Variants in AUP1 observed in about 807,000 individuals in gnomAD.
AUP1 encodes AUP1 lipid droplet regulating VLDL assembly factor, also known as lipid droplet-regulating VLDL assembly factor AUP1.
In AUP1, 30 loss-of-function variants were observed where a neutral mutation model predicts 51.8. The observed-to-expected ratio is 0.58, with a 90% CI of 0.43 to 0.79. The LOEUF (loss-of-function observed/expected upper bound fraction) is 0.79. AUP1 is among the 30% of genes least tolerant of loss of function. The pLI is 0.00. For missense variants in AUP1, 492 were observed against 517.1 expected, an observed-to-expected ratio of 0.95 and a Z score of 0.47; for synonymous variants, 227 against 209.0, an observed-to-expected ratio of 1.09 and a Z score of -0.74.
Position 74,529,371 on chromosome 2 carries a change from A to G in AUP1, c.179T>C (p.Val60Ala). 1 of 1,611,168 alleles carries G rather than the reference A, an allele frequency of 6.2e-7. No individual in the cohort carries two copies. The highest frequency in any genetic ancestry group is 1.7e-5 in the Admixed American group (1 of 59,584). The change falls in exon 2 of 12, where the codon GTC becomes GCC. Residue 60 changes from valine (V) to alanine (A), a missense_variant. Val to Ala is a moderately conservative substitution (Grantham distance 64). Transcript: ENST00000377526. ...FLVSCALPDS[V>A]LRRFVVRTMC... Reference sequence around the variant, plus strand: ...ACGCCCGCGTCGGAACCTGCGAAGGACGCTGTCTGGCAGCGCGCAGCTGAC... The same window carrying G: ...ACGCCCGCGTCGGAACCTGCGAAGGGCGCTGTCTGGCAGCGCGCAGCTGAC...
In AUP1 at chr2:74,529,599, G is replaced by T; in HGVS notation, c.31C>A (p.Arg11=). MELPSGPGPE[R]LFDSHRLPGD... ...TCTTACCGGTGCGAGTCAAAGAGCC[G>T]CTCCGGCCCCGGCCCTGAGGGAAGC... Residue 11 remains arginine, a synonymous_variant, in exon 1 of 12, where the codon CGG becomes AGG. Coordinates refer to ENST00000377526, the MANE Select transcript of AUP1 (RefSeq NM_181575.5). 1 of 1,567,772 alleles carries T rather than the reference G, an allele frequency of 6.4e-7. No individual in the cohort carries two copies. Among genetic ancestry groups the T allele is most frequent in the Non-Finnish European group, 8.7e-7 (1 of 1,155,300 alleles).
At chr2:74,528,687 A>T in intron 4 of AUP1, 64 bp downstream of exon 4, 7 of 1,526,784 alleles carry the variant, frequency 4.6e-6, no homozygotes, top group Non-Finnish European at 6.2e-6. Context: ...AAGTTGTAAA[A>T]ACTCAAGGGC....
rs765763937 is a variant in AUP1, at chr2:74,527,857, C to G, written c.739-19G>C. The G allele has an allele frequency of 1.5e-5, 24 of 1,613,762 alleles. No individual in the cohort carries two copies. In the South Asian group the frequency reaches 2.5e-4, roughly 17 times the overall value. On this transcript the variant is annotated intron_variant, in intron 7 of 11. Transcript: ENST00000377526. ...CCACCAGCTAGGGAGAATTGGAAGA[C>G]TGGAAGTGTCAAGATCTCAAGCTTT...
At chr2:74,527,433 G>A in intron 9 of AUP1, 38 bp downstream of exon 9, 1 of 1,610,980 alleles carries the variant, frequency 6.2e-7, no homozygotes, top group Non-Finnish European at 8.5e-7. Flanking sequence ...TTTCCTCCCT[G>A]TGCCCATCTC....
In AUP1 at chr2:74,528,820, G is replaced by T; in HGVS notation, c.455C>A (p.Pro152His). 2 of 1,614,140 alleles carry T rather than the reference G, an allele frequency of 1.2e-6. No individual in the cohort carries two copies. The highest frequency in any genetic ancestry group is 1.7e-6 in the Non-Finnish European group (2 of 1,180,012). The change falls in exon 4 of 12, where the codon CCC becomes CAC. Residue 152 changes from proline (P) to histidine (H), a missense_variant. Transcript: ENST00000377526. ...AGGGAATAGCAGCAGAGGAGTGGGG[G>T]GAAGCCTCGTGGAAGCACAGAATCT... The part of the protein sequence containing the change: ...LKRFCASTRL[P>H]PTPLLLFPEE...
rs1465487013 is a variant in AUP1, at chr2:74,528,009, G to T, written c.672-3C>A. On this transcript the variant is annotated splice_region_variant and splice_polypyrimidine_tract_variant and intron_variant, in intron 6 of 11. Coordinates refer to ENST00000377526, the MANE Select transcript of AUP1 (RefSeq NM_181575.5). ...GGCGATGAACAGGACGAAGCCACCT[G>T]CAAAGAAACAATCCAGGGCTATGTT... The T allele has an allele frequency of 1.9e-6, 3 of 1,614,092 alleles. No individual in the cohort carries two copies. Among genetic ancestry groups the T allele is most frequent in the Non-Finnish European group, 2.5e-6 (3 of 1,180,034 alleles).
chr2:74,529,690 G>C lies in AUP1; in HGVS notation c.-61C>G. 1 of 1,538,816 alleles carries C rather than the reference G, an allele frequency of 6.5e-7. No homozygotes were observed. Among genetic ancestry groups the C allele is most frequent in the East Asian group, 2.4e-5 (1 of 40,980 alleles). ...GCCGCCATTTTCGCGCCCGGCCGCA[G>C]GGGCTCTTGGGAAGGCGGAGTCTTT... On this transcript the variant is annotated 5_prime_UTR_variant, in exon 1 of 12. Coordinates refer to ENST00000377526, the MANE Select transcript of AUP1 (RefSeq NM_181575.5).
intron 5 of AUP1, 48 bp from the exon 6 acceptor site, chr2:74,528,369 A>G (rs1675300749): frequency 1.2e-6 from 2 of 1,611,952 alleles, no homozygotes; most frequent in South Asian, 2.2e-5. Flanking sequence ...CAGGGATGGG[A>G]AATTTCCCCT....
In AUP1 at chr2:74,529,560, C is replaced by T; in HGVS notation, c.50+20G>A. The T allele has an allele frequency of 1.3e-6, 2 of 1,555,110 alleles. No individual in the cohort carries two copies. The highest frequency in any genetic ancestry group is 1.2e-5 in the South Asian group (1 of 84,784). ...GCCGAGAGCACGCGGGGATCGGTCT[C>T]TTCCCGCCGGGTCTCTTACCGGTGC... On this transcript the variant is annotated intron_variant, in intron 1 of 11. Coordinates refer to ENST00000377526, the MANE Select transcript of AUP1 (RefSeq NM_181575.5).
chr2:74,528,832 G>A lies in AUP1; in HGVS notation c.443C>T (p.Ser148Phe), dbSNP rs1675337374. The change falls in exon 4 of 12, where the codon TCC becomes TTC. Residue 148 changes from serine (S) to phenylalanine (F), a missense_variant. Physicochemically the swap from Ser to Phe is radical, Grantham distance 155. Coordinates refer to ENST00000377526, the MANE Select transcript of AUP1 (RefSeq NM_181575.5). ...CAGAGGAGTGGGGGGAAGCCTCGTG[G>A]AAGCACAGAATCTCTTGAGTGACTC... is the stretch of plus-strand genomic sequence containing the variant. ...LVESLKRFCASTRLPPTPLLL... is the reference protein window; with the variant it reads ...LVESLKRFCAFTRLPPTPLLL... 6.2e-7 allele frequency: 1 copy of A among 1,613,990 alleles called. No homozygotes were observed.
chr2:74,528,039 G>A (rs367799720), intron 6 of AUP1, 33 bp from the exon 7 acceptor site: 16 of 1,612,666 alleles, frequency 9.9e-6, no homozygotes, highest in Non-Finnish European at 1.4e-5. Context: ...TATGTTGTGG[G>A]CACCCAGGGT....
At chr2:74,529,558 C>A in intron 1 of AUP1, 22 bp downstream of exon 1, 3 of 1,553,368 alleles carry the variant, frequency 1.9e-6, no homozygotes, top group Non-Finnish European at 2.6e-6. Flanking sequence ...GGGGATCGGT[C>A]TCTTCCCGCC....
In AUP1 at chr2:74,529,153, A is replaced by G; in HGVS notation, c.318T>C (p.Asn106=). Residue 106 remains asparagine (N), a synonymous_variant, in exon 3 of 12, where the codon AAT becomes AAC. Transcript: ENST00000377526. ...HVTPFDHNIV[N]LLTTCSTPLL... The stretch of plus-strand genomic sequence containing the variant: ...TCACGGTGCTACAGGTGGTAAGCAA[A>G]TTGACTATGTTGTGGTCGAAAGGTG... 5 of 1,614,180 alleles carry G rather than the reference A, an allele frequency of 3.1e-6. No individual in the cohort carries two copies. The highest frequency in any genetic ancestry group is 4.2e-6 in the Non-Finnish European group (5 of 1,180,020).
chr2:74,527,294 T>C lies in AUP1; in HGVS notation c.1031A>G (p.Asp344Gly). The change falls in exon 10 of 12, where the codon GAC (aspartate) becomes GGC (glycine). Residue 344 changes from aspartate (D) to glycine (G), a missense_variant. Transcript: ENST00000377526. ...LEGAVAFMPEDITKGTQSLPT... is the reference protein window; with the variant it reads ...LEGAVAFMPEGITKGTQSLPT... ...TAGGGACTGAGTTCCCTTGGTGATGTCTTCAGGCATGAAAGCTACGGCCCC... is the reference window on the plus strand; with the variant it reads ...TAGGGACTGAGTTCCCTTGGTGATGCCTTCAGGCATGAAAGCTACGGCCCC... 1 of 1,614,100 alleles carries C rather than the reference T, an allele frequency of 6.2e-7. No homozygotes were observed. The highest frequency in any genetic ancestry group is 8.5e-7 in the Non-Finnish European group (1 of 1,180,010).
In AUP1 at chr2:74,528,273, C is replaced by A; in HGVS notation, c.646G>T (p.Val216Phe). 6.2e-7 allele frequency: 1 copy of A among 1,614,100 alleles called. No homozygotes were observed. The change falls in exon 6 of 12, where the codon GTC becomes TTC. Residue 216 changes from valine to phenylalanine, a missense_variant. By Grantham distance (50) the Val-to-Phe change is conservative (BLOSUM62 -1). Coordinates refer to ENST00000377526, the MANE Select transcript of AUP1 (RefSeq NM_181575.5). ...CTTACTTGATACACCGTGAAAGGGACGAAAAGTGACCACAGCAGTTCTGAG... is the reference window on the plus strand; with the variant it reads ...CTTACTTGATACACCGTGAAAGGGAAGAAAAGTGACCACAGCAGTTCTGAG... ...WVSELLWSLF[V>F]PFTVYQVRWL...
chr2:74,527,085 CT>C, intron 10 of AUP1, 26 bp from the exon 11 acceptor site: 1 of 1,614,108 alleles, frequency 6.2e-7, no homozygotes, highest in East Asian at 2.2e-5. Flanking sequence ...TGTCAGAGGG[CT>C]TGCGGAGTCA....
chr2:74,529,463 C>A lies in AUP1; in HGVS notation c.87G>T (p.Leu29=), dbSNP rs1326624104. Residue 29 remains leucine, a synonymous_variant, in exon 2 of 12, where the codon CTG becomes CTT. Coordinates refer to ENST00000377526, the MANE Select transcript of AUP1 (RefSeq NM_181575.5). ...PGDCFLLLVL[L]LYAPVGFCLL... is the part of the protein sequence containing the mutation. ...GGCAGAACCCGACTGGCGCGTAGAGCAGCAGCACGAGCAGTAGGAAGCAGT... is the reference window on the plus strand; with the variant it reads ...GGCAGAACCCGACTGGCGCGTAGAGAAGCAGCACGAGCAGTAGGAAGCAGT... The A allele has an allele frequency of 1.9e-6, 3 of 1,562,640 alleles. No homozygotes were observed. Among genetic ancestry groups the A allele is most frequent in the Non-Finnish European group, 2.6e-6 (3 of 1,152,664 alleles).
At position 74,529,450 on chromosome 2, in the gene AUP1, C is replaced by A; in HGVS notation, c.100G>T (p.Val34Phe). Reference protein sequence around the residue: ...LLLVLLLYAPVGFCLLVLRLF... With the variant: ...LLLVLLLYAPFGFCLLVLRLF... ...CGCAGGACGAGGAGGCAGAACCCGA[C>A]TGGCGCGTAGAGCAGCAGCACGAGC... Residue 34 changes from valine to phenylalanine, a missense_variant, in exon 2 of 12, where the codon GTC (valine) becomes TTC (phenylalanine). Physicochemically the swap from Val to Phe is conservative, Grantham distance 50. Transcript: ENST00000377526. 6.4e-7 allele frequency: 1 copy of A among 1,568,332 alleles called. No homozygotes were observed. Among genetic ancestry groups the A allele is most frequent in the South Asian group, 1.2e-5 (1 of 86,194 alleles).
Position 74,527,591 on chromosome 2 carries a change from C to T in AUP1, c.842-1G>A, listed in dbSNP as rs762196254. The stretch of plus-strand genomic sequence containing the variant: ...GGGGAGGGAGGGAAAGAAGACTGGG[C>T]TGTGGAAAAAGGAAAAAAAGAAAAA... On this transcript the variant is annotated splice_acceptor_variant, in intron 8 of 11. Transcript: ENST00000377526. LOFTEE classifies it high-confidence loss of function. 4.4e-6 allele frequency: 7 copies of T among 1,592,102 alleles called. No homozygotes were observed. The highest frequency in any genetic ancestry group is 6.0e-6 in the Non-Finnish European group (7 of 1,174,360).
Sources: allele counts gnomAD v4.1 joint callset, GRCh38; gene constraint gnomAD v4.1.1; transcripts MANE v1.5; gene names NCBI Gene and HGNC (gene_info 2026-07-23, HGNC 2026-07-21).